The following BCL11A variants were observed in gnomAD, a reference collection of about 807,000 sequenced individuals.
BCL11A encodes B cell CLL/lymphoma 11A.
BCL11A carries 2 observed loss-of-function variants against 55.9 expected under a neutral mutation model. That is an observed-to-expected ratio of 0.04 (90% CI 0.01 to 0.11). The LOEUF (loss-of-function observed/expected upper bound fraction) is 0.11, where lower values mean the gene tolerates loss of function less well. Among genes scored for constraint, BCL11A ranks in the 10% least tolerant of loss-of-function variants. The pLI, the probability that BCL11A is intolerant of heterozygous loss-of-function variation, is 1.00. For missense variants in BCL11A, 817 were observed against 1,137.1 expected, an observed-to-expected ratio of 0.72 and a Z score of 4.05; for synonymous variants, 465 against 473.4, an observed-to-expected ratio of 0.98 and a Z score of 0.23.
At chr2:60,551,510 G>A (rs1189772410) in intron 1 of BCL11A, among the ~76,000 whole-genome samples, 1 of 152,242 alleles carries the variant, frequency 6.6e-6, no homozygotes, top group Non-Finnish European at 1.5e-5. Flanking sequence ...GGCAGGGAAA[G>A]CACGTGGTGA....
chr2:60,513,153 G>A lies in BCL11A; in HGVS notation c.385+32818C>T, dbSNP rs139190342. On this transcript the variant is annotated intron_variant, in intron 2 of 3. Coordinates refer to ENST00000642384, the MANE Select transcript of BCL11A (RefSeq NM_022893.4). ...GGATAGTCTAGCCTGTGAGGGGTTG[G>A]GGGTGGCAAATTACTTTATCTTTCT... Among the ~76,000 whole-genome samples the A allele has an allele frequency of 3.0e-3, 455 of 152,222 alleles. 2 individuals carry two copies. The highest frequency in any genetic ancestry group is 0.011 in the African/African-American group (438 of 41,532).
chr2:60,486,754 G>C (rs755663179), intron 2 of BCL11A, among the ~76,000 whole-genome samples: 74 of 152,300 alleles, frequency 4.9e-4, no homozygotes, highest in Middle Eastern at 6.8e-3. Context: ...AGGTATTACA[G>C]TGTGACAGAG....
At chr2:60,482,903 TG>T (rs1678043482) in intron 2 of BCL11A, among the ~76,000 whole-genome samples, 1 of 152,234 alleles carries the variant, frequency 6.6e-6, no homozygotes, top group African/African-American at 2.4e-5. Flanking sequence ...AGAGTCAAGC[TG>T]GAAGATCATT....
chr2:60,530,379 C>G (rs1276362727), intron 2 of BCL11A, among the ~76,000 whole-genome samples: 1 of 150,686 alleles, frequency 6.6e-6, no homozygotes, highest in Non-Finnish European at 1.5e-5. Flanking sequence ...TACCTGCACA[C>G]GCAGGCACGC....
chr2:60,474,805 G>A (rs1179963420), intron 2 of BCL11A, among the ~76,000 whole-genome samples: 1 of 152,210 alleles, frequency 6.6e-6, no homozygotes, highest in African/African-American at 2.4e-5. Context: ...CAATGGGCTA[G>A]CCGCTGTGGG....
intron 1 of BCL11A, among the ~76,000 whole-genome samples, chr2:60,547,941 A>G (rs926946047): frequency 9.8e-5 from 15 of 152,354 alleles, no homozygotes; most frequent in African/African-American, 3.4e-4. Context: ...TGAAGGTTAT[A>G]TTCCTACTAA....
intron 2 of BCL11A, chr2:60,495,910 G>A (rs1311065300): frequency 3.9e-5 from 6 of 152,150 alleles, no homozygotes; most frequent in Admixed American, 1.3e-4. Flanking sequence ...AAATGGTGCT[G>A]TCATTTTTCT....
rs993069715 is a variant in BCL11A at position 60,459,948 on chromosome 2, C to G, written c.*456G>C. 1 of 1,060,320 alleles carries G rather than the reference C, an allele frequency of 9.4e-7. No individual in the cohort carries two copies. The allele number at this position is 1,060,320 out of a possible 1,614,324, so 65.7% of individuals were successfully genotyped here. A position where few individuals can be genotyped will look rare whatever the true frequency, so the allele number is the denominator to read the frequency against. On this transcript the variant is annotated 3_prime_UTR_variant, in exon 4 of 4. Coordinates refer to ENST00000642384, the MANE Select transcript of BCL11A (RefSeq NM_022893.4). Reference sequence around the variant, plus strand: ...GCATGGTCTTTTTCTCTCTCTCTCTCTTTTTCTCTCAGAACGGAACTGGAA... The same window carrying G: ...GCATGGTCTTTTTCTCTCTCTCTCTGTTTTTCTCTCAGAACGGAACTGGAA...
At chr2:60,552,590 T>C (rs1670461374) in intron 1 of BCL11A, among the ~76,000 whole-genome samples, 1 of 152,192 alleles carries the variant, frequency 6.6e-6, no homozygotes. Flanking sequence ...CTCTCCCGAC[T>C]CCGCGGACTC....
chr2:60,520,896 A>G (rs1406962154), intron 2 of BCL11A, among the ~76,000 whole-genome samples: 3 of 152,186 alleles, frequency 2.0e-5, no homozygotes, highest in Non-Finnish European at 2.9e-5. Flanking sequence ...TTGCAGAAAA[A>G]AAGATATTGA....
intron 2 of BCL11A, among the ~76,000 whole-genome samples, chr2:60,501,645 T>C (rs1218057839): frequency 6.6e-6 from 1 of 151,802 alleles, no homozygotes; most frequent in Non-Finnish European, 1.5e-5. Flanking sequence ...TAGCTGGGAT[T>C]ACAGGCATGT....
At chr2:60,499,435 A>C (rs1470503141) in intron 2 of BCL11A, among the ~76,000 whole-genome samples, 1 of 152,154 alleles carries the variant, frequency 6.6e-6, no homozygotes, top group Non-Finnish European at 1.5e-5. Flanking sequence ...AGGGGCAAAA[A>C]AGGAAATTAG....
At chr2:60,552,467 C>A (rs1670454656) in intron 1 of BCL11A, among the ~76,000 whole-genome samples, 1 of 151,910 alleles carries the variant, frequency 6.6e-6, no homozygotes, top group Non-Finnish European at 1.5e-5. Flanking sequence ...CGCGAGGAGC[C>A]GGCACAAAAG....
Position 60,488,048 on chromosome 2 carries a change from G to T in BCL11A, c.386-19215C>A, listed in dbSNP as rs75891069. On this transcript the variant is annotated intron_variant, in intron 2 of 3. Coordinates refer to ENST00000642384, the MANE Select transcript of BCL11A (RefSeq NM_022893.4). Reference sequence around the variant, plus strand: ...TAAATGCTTATAGATCCCTCTCTGTGCTATTACTTTTGACCTGGGTTTTAA... The same window carrying T: ...TAAATGCTTATAGATCCCTCTCTGTTCTATTACTTTTGACCTGGGTTTTAA... Among the ~76,000 whole-genome samples, 1,014 of 152,298 alleles carry T rather than the reference G, an allele frequency of 6.7e-3. 10 individuals are homozygous for T. The highest frequency in any genetic ancestry group is 0.023 in the African/African-American group (963 of 41,562).
Position 60,460,407 on chromosome 2 carries a change from T to C in BCL11A, c.2505A>G (p.Glu835=). 6.3e-7 allele frequency: 1 copy of C among 1,594,312 alleles called. No homozygotes were observed. The highest frequency in any genetic ancestry group is 8.6e-7 in the Non-Finnish European group (1 of 1,165,348). ...AGGGAGGGGTATTAATATACCTCTA[T>C]TCAGTTTTTATATCATTATTCAACA... The part of the protein sequence containing the change: ...DRVLNNDIKT[E] Residue 835 remains glutamate (E), a synonymous_variant, in exon 4 of 4, where the codon GAA becomes GAG. Coordinates refer to ENST00000642384, the MANE Select transcript of BCL11A (RefSeq NM_022893.4).
At chr2:60,453,444 G>A (rs1391432192), downstream of BCL11A, among the ~76,000 whole-genome samples, 2 of 152,174 alleles carry the variant, frequency 1.3e-5, no homozygotes, top group African/African-American at 4.8e-5. Context: ...ATGGCGACCC[G>A]AAGCAGGGGC....
Position 60,459,340 on chromosome 2 carries a change from T to C in BCL11A, c.*1064A>G. ...TGAACTCCTTACTAGTGTATTTAAT[T>C]GCGTTCCAGGGCTTTTGCACATTAC... On this transcript the variant is annotated 3_prime_UTR_variant, in exon 4 of 4. Transcript: ENST00000642384. 5 of 1,018,830 alleles carry C rather than the reference T, an allele frequency of 4.9e-6. No individual in the cohort carries two copies. The highest frequency in any genetic ancestry group is 4.7e-6 in the Non-Finnish European group (4 of 848,954). The allele number at this position is 1,018,830 out of a possible 1,614,324, so 63.1% of individuals were successfully genotyped here.
intron 2 of BCL11A, among the ~76,000 whole-genome samples, chr2:60,508,303 T>C (rs1268956808): frequency 1.3e-5 from 2 of 152,044 alleles, no homozygotes; most frequent in African/African-American, 2.4e-5. Flanking sequence ...GAAGGCCTGA[T>C]GTGAAAGAGG....
Position 60,552,902 on chromosome 2 carries a change from G to A in BCL11A, c.55+314C>T, listed in dbSNP as rs563342118. Among the ~76,000 whole-genome samples the A allele has an allele frequency of 1.6e-3, 240 of 151,854 alleles. 1 individual carries two copies. The highest frequency in any genetic ancestry group is 3.4e-3 in the Middle Eastern group (1 of 290). ...GCAAAACTGGCGGGGCGGGGGGGGA[G>A]TGGAATCATTGCATTCCTTTTCGAA... On this transcript the variant is annotated intron_variant, in intron 1 of 3. Transcript: ENST00000642384.
Sources: allele counts gnomAD v4.1 joint callset (sites outside exome capture counted in the v4.1 genomes callset), GRCh38; gene constraint gnomAD v4.1.1; transcripts MANE v1.5; gene names NCBI Gene and HGNC (gene_info 2026-07-23, HGNC 2026-07-21).